DGKB: variants seen among roughly 807,000 people sequenced by gnomAD.
The protein encoded by DGKB is 90 kDa diacylglycerol kinase.
DGKB carries 67 observed loss-of-function variants against 114.3 expected under a neutral mutation model. The ratio of observed to expected loss-of-function variants is 0.59; its 90% CI spans 0.48 to 0.72. The LOEUF (loss-of-function observed/expected upper bound fraction) is 0.72. Ranked by LOEUF, DGKB falls within the 30% of genes least tolerant of loss-of-function variation. The pLI, the probability that DGKB is intolerant of heterozygous loss-of-function variation, is 0.00. For synonymous variants in DGKB, 398 were observed against 323.1 expected (o/e 1.23, Z -2.49); for missense variants, 907 against 975.2 (o/e 0.93, Z 0.93).
chr7:14,329,747 T>A (rs1398725916), intron 23 of DGKB, among the ~76,000 whole-genome samples: 1 of 152,022 alleles, frequency 6.6e-6, no homozygotes, highest in Non-Finnish European at 1.5e-5. Context: ...TTTAGGAAAT[T>A]TGTATGGATA....
chr7:14,259,502 C>T (rs1796451174), intron 23 of DGKB, among the ~76,000 whole-genome samples: 1 of 151,238 alleles, frequency 6.6e-6, no homozygotes, highest in South Asian at 2.1e-4. Flanking sequence ...TCTCGGCTCA[C>T]TGCAACTTCT....
chr7:14,683,718 C>T (rs536814983), intron 10 of DGKB, among the ~76,000 whole-genome samples: 153 of 152,004 alleles, frequency 1.0e-3, no homozygotes, highest in Admixed American at 2.2e-3. Context: ...CTAACCACTG[C>T]CTCAAATTAA....
At chr7:14,588,874 C>A (rs1286653652) in intron 17 of DGKB, among the ~76,000 whole-genome samples, 1 of 151,922 alleles carries the variant, frequency 6.6e-6, no homozygotes, top group Non-Finnish European at 1.5e-5. Context: ...TTCTTTTTTT[C>A]ATGTACATTT....
intron 20 of DGKB, among the ~76,000 whole-genome samples, chr7:14,555,869 T>C (rs1475432704): frequency 6.6e-6 from 1 of 152,238 alleles, no homozygotes; most frequent in East Asian, 1.9e-4. Context: ...CTTTGAAGGG[T>C]CTAAAAAGGG....
chr7:14,325,003 T>A (rs530416344), intron 23 of DGKB, among the ~76,000 whole-genome samples: 4 of 152,350 alleles, frequency 2.6e-5, no homozygotes, highest in African/African-American at 9.6e-5. Context: ...AGTCAGCATC[T>A]GTTTGAAAAG....
chr7:14,828,790 T>G (rs1303043606), intron 2 of DGKB, among the ~76,000 whole-genome samples: 1 of 152,078 alleles, frequency 6.6e-6, no homozygotes, highest in Non-Finnish European at 1.5e-5. Flanking sequence ...TATTATTTAG[T>G]CCATTTCTGG....
intron 13 of DGKB, among the ~76,000 whole-genome samples, chr7:14,671,134 T>C (rs1337712653): frequency 6.6e-6 from 1 of 152,052 alleles, no homozygotes; most frequent in Non-Finnish European, 1.5e-5. Flanking sequence ...ATCAACTGAA[T>C]AAACAAGATC....
chr7:14,175,703 G>A (rs1367009729), intron 25 of DGKB, among the ~76,000 whole-genome samples: 14 of 152,038 alleles, frequency 9.2e-5, no homozygotes, highest in African/African-American at 1.4e-4. Flanking sequence ...GCTCTTTACC[G>A]TCAATTTTTT....
chr7:14,256,923 T>G (rs1796043361), intron 23 of DGKB, among the ~76,000 whole-genome samples: 1 of 152,112 alleles, frequency 6.6e-6, no homozygotes, highest in Admixed American at 6.5e-5. Context: ...CCTGGTACTT[T>G]GGGAGGTTGA....
chr7:14,387,624 C>T (rs1021573064), intron 21 of DGKB, among the ~76,000 whole-genome samples: 11 of 151,824 alleles, frequency 7.2e-5, no homozygotes, highest in South Asian at 4.2e-4. Context: ...ACTATGTTGC[C>T]CATCCTGGTC....
At chr7:14,964,405 T>C (rs1787034008) in intron 1 of DGKB, among the ~76,000 whole-genome samples, 1 of 151,956 alleles carries the variant, frequency 6.6e-6, no homozygotes, top group Non-Finnish European at 1.5e-5. Flanking sequence ...GAGGCTGAGG[T>C]GGGAGAATCA....
intron 10 of DGKB, among the ~76,000 whole-genome samples, chr7:14,684,052 G>T (rs1280529725): frequency 6.6e-6 from 1 of 152,102 alleles, no homozygotes; most frequent in Non-Finnish European, 1.5e-5. Context: ...TGTATAGGGA[G>T]AATGTTCTAG....
chr7:14,682,449 A>C (rs1163097856), intron 12 of DGKB, 104 bp downstream of exon 12: 7 of 748,644 alleles, frequency 9.4e-6, no homozygotes, highest in Non-Finnish European at 1.6e-5. Context: ...TTATGCTTAC[A>C]CTCAGTTTCA....
At chr7:14,676,830 A>G (rs1819945855) in intron 12 of DGKB, among the ~76,000 whole-genome samples, 1 of 151,998 alleles carries the variant, frequency 6.6e-6, no homozygotes, top group African/African-American at 2.4e-5. Context: ...AAAATAACCA[A>G]TAGCGCACCA....
intron 21 of DGKB, among the ~76,000 whole-genome samples, chr7:14,422,528 AC>A (rs778612117): frequency 1.3e-5 from 2 of 152,060 alleles, no homozygotes; most frequent in Non-Finnish European, 2.9e-5. Flanking sequence ...GCAGCAGAGG[AC>A]ACAAAATCAT....
intron 23 of DGKB, among the ~76,000 whole-genome samples, chr7:14,231,082 CCTTTCTTTCTTTCTTT>C (rs201778587): frequency 0.013 from 1,596 of 121,830 alleles, 23 homozygotes; most frequent in East Asian, 0.043. Context: ...TTCTTCTTTC[CCTTTCTTTCTTTCTTT>C]CTTTCTTTCT....
chr7:14,392,995 G>GTTTTTGTTTTTTTTGTTTTTTTTT, intron 21 of DGKB, among the ~76,000 whole-genome samples: 1 of 60,546 alleles, frequency 1.7e-5, no homozygotes, highest in African/African-American at 4.8e-5. Flanking sequence ...TTTTGTTTTT[G>GTTTTTGTTTTTTTTGTTTTTTTTT]TTTTTTTTTT....
intron 21 of DGKB, among the ~76,000 whole-genome samples, chr7:14,395,021 A>G (rs561996098): frequency 6.6e-6 from 1 of 152,262 alleles, no homozygotes; most frequent in Admixed American, 6.5e-5. Context: ...ACTAACAACA[A>G]GGAAACTTTT....
rs1016755198 is a variant in DGKB, at chr7:14,146,775, A to C, written c.*2356T>G. 1.3e-5 allele frequency: 2 copies of C among 152,172 alleles called. No individual in the cohort carries two copies. The highest frequency in any genetic ancestry group is 2.9e-5 in the Non-Finnish European group (2 of 68,002). 9.4% of individuals were successfully genotyped at this position (152,172 alleles called of 1,614,324 possible). Reference sequence around the variant, plus strand: ...GGGTACCAAAGAATCCATCTGACTGAAAATGTAACCACTATTAGCACTAAT... The same window carrying C: ...GGGTACCAAAGAATCCATCTGACTGCAAATGTAACCACTATTAGCACTAAT... On this transcript the variant is annotated 3_prime_UTR_variant, in exon 26 of 26. Transcript: ENST00000402815.
Sources: allele counts gnomAD v4.1 joint callset (sites outside exome capture counted in the v4.1 genomes callset), GRCh38; gene constraint gnomAD v4.1.1; transcripts MANE v1.5; gene names NCBI Gene and HGNC (gene_info 2026-07-23, HGNC 2026-07-21).